The following CHN1 variants were observed in gnomAD, a reference collection of about 807,000 sequenced individuals.
The protein encoded by CHN1 is N-chimaerin.
Under a neutral mutation model 59.5 loss-of-function variants are expected in CHN1, and 37 were observed. The observed-to-expected ratio is 0.62, with a 90% CI of 0.48 to 0.82. The LOEUF (loss-of-function observed/expected upper bound fraction) is 0.82. CHN1 is among the 40% of genes least tolerant of loss of function. The pLI is 0.00. For synonymous variants in CHN1, 206 were observed against 200.4 expected (o/e 1.03, Z -0.24); for missense variants, 469 against 571.0 (o/e 0.82, Z 1.82).
intron 6 of CHN1, among the ~76,000 whole-genome samples, chr2:174,857,497 T>G (rs908580706): frequency 3.9e-5 from 6 of 152,128 alleles, no homozygotes; most frequent in Non-Finnish European, 7.3e-5. Flanking sequence ...AAACGGAACA[T>G]GTCCTTATTC....
At chr2:174,861,241 T>C (rs1026313870) in intron 6 of CHN1, among the ~76,000 whole-genome samples, 1 of 152,010 alleles carries the variant, frequency 6.6e-6, no homozygotes, top group African/African-American at 2.4e-5. Context: ...TGAGATAATA[T>C]AGGTAGAATG....
chr2:174,948,441 G>T (rs376887664), intron 2 of CHN1, among the ~76,000 whole-genome samples: 1 of 152,070 alleles, frequency 6.6e-6, no homozygotes, highest in African/African-American at 2.4e-5. Flanking sequence ...ACTGAAAAGC[G>T]ACAAAACCGT....
At chr2:174,848,658 A>C (rs1686623649) in intron 6 of CHN1, among the ~76,000 whole-genome samples, 1 of 152,170 alleles carries the variant, frequency 6.6e-6, no homozygotes, top group Non-Finnish European at 1.5e-5. Context: ...TAGGGCATGA[A>C]GTGGTTCTTA....
intron 5 of CHN1, among the ~76,000 whole-genome samples, chr2:174,881,143 T>C (rs116833010): frequency 2.0e-4 from 30 of 152,082 alleles, no homozygotes; most frequent in Admixed American, 1.2e-3. Flanking sequence ...TGTAAAGTGA[T>C]TCACAAAACC....
intron 5 of CHN1, among the ~76,000 whole-genome samples, chr2:174,889,272 G>T (rs750092660): frequency 2.0e-3 from 296 of 150,758 alleles, no homozygotes; most frequent in Middle Eastern, 3.4e-3. Flanking sequence ...GGAAAAGGTG[G>T]TTTTTTTTTC....
chr2:174,852,354 CT>C (rs1686761098), intron 6 of CHN1, among the ~76,000 whole-genome samples: 1 of 151,998 alleles, frequency 6.6e-6, no homozygotes, highest in African/African-American at 2.4e-5. Flanking sequence ...AATAAAATAC[CT>C]GGGGATATGG....
At chr2:174,812,997 G>A (rs1389989808) in intron 8 of CHN1, among the ~76,000 whole-genome samples, 2 of 152,054 alleles carry the variant, frequency 1.3e-5, no homozygotes, top group Non-Finnish European at 2.9e-5. Flanking sequence ...AATTCCTCTA[G>A]TAGCTGGAAA....
At chr2:174,944,867 T>G in intron 3 of CHN1, 21 bp downstream of exon 3, 1 of 1,559,952 alleles carries the variant, frequency 6.4e-7, no homozygotes. Context: ...CATTTTTTGG[T>G]AGCAGTTTCA....
intron 1 of CHN1, among the ~76,000 whole-genome samples, chr2:174,996,727 C>T (rs574544248): frequency 6.6e-6 from 1 of 152,260 alleles, no homozygotes; most frequent in South Asian, 2.1e-4. Context: ...CACCCCAGTA[C>T]TCTCTATCCC....
At chr2:174,876,786 C>T (rs1483346635) in intron 6 of CHN1, among the ~76,000 whole-genome samples, 1 of 152,088 alleles carries the variant, frequency 6.6e-6, no homozygotes, top group African/African-American at 2.4e-5. Flanking sequence ...ATAACATTAC[C>T]ACCAAACTAC....
chr2:174,954,096 T>C (rs1690112580), intron 1 of CHN1, among the ~76,000 whole-genome samples: 1 of 152,080 alleles, frequency 6.6e-6, no homozygotes. Flanking sequence ...AAAATAAGGA[T>C]ATGGACCAGT....
At chr2:174,839,122 T>C (rs1186084813) in intron 7 of CHN1, among the ~76,000 whole-genome samples, 2 of 152,160 alleles carry the variant, frequency 1.3e-5, no homozygotes, top group African/African-American at 4.8e-5. Context: ...AAATACATTG[T>C]GAAATGGCTA....
intron 1 of CHN1, among the ~76,000 whole-genome samples, chr2:174,984,352 ATG>A (rs1192664741): frequency 6.7e-6 from 1 of 149,248 alleles, no homozygotes; most frequent in African/African-American, 2.5e-5. Context: ...AAATTACAGA[ATG>A]TGTTTTATAA....
intron 3 of CHN1, among the ~76,000 whole-genome samples, chr2:174,930,312 G>A (rs1210107178): frequency 6.6e-6 from 1 of 152,200 alleles, no homozygotes; most frequent in Non-Finnish European, 1.5e-5. Flanking sequence ...GGTGATTATT[G>A]CAGAGAAGAG....
intron 3 of CHN1, among the ~76,000 whole-genome samples, chr2:174,930,735 G>C (rs184709642): frequency 6.6e-6 from 1 of 152,232 alleles, no homozygotes; most frequent in Non-Finnish European, 1.5e-5. Context: ...GGATGCCTAG[G>C]TAACAAACAA....
At chr2:174,840,340 A>G (rs1462771472) in intron 7 of CHN1, among the ~76,000 whole-genome samples, 6 of 151,342 alleles carry the variant, frequency 4.0e-5, no homozygotes. Context: ...AATGTTTTAA[A>G]TTTTTTGTAA....
At chr2:174,821,550 C>T (rs1685497372) in intron 8 of CHN1, among the ~76,000 whole-genome samples, 2 of 152,208 alleles carry the variant, frequency 1.3e-5, no homozygotes, top group South Asian at 2.1e-4. Context: ...AGATGATTAG[C>T]TTATGAGGGC....
At chr2:174,873,543 C>G (rs537492394) in intron 6 of CHN1, among the ~76,000 whole-genome samples, 5 of 152,306 alleles carry the variant, frequency 3.3e-5, no homozygotes, top group African/African-American at 1.2e-4. Context: ...ATTTAGAAGA[C>G]TTGCCTTGTG....
At chr2:174,975,055 A>C (rs754746363) in intron 1 of CHN1, among the ~76,000 whole-genome samples, 8 of 152,196 alleles carry the variant, frequency 5.3e-5, no homozygotes, top group Non-Finnish European at 1.0e-4. Context: ...TTCTGAAAGC[A>C]TAAGAATTTC....
Sources: gnomAD v4.1 joint callset for allele counts (sites outside exome capture counted in the v4.1 genomes callset) on GRCh38, gnomAD v4.1.1 for gene constraint, MANE v1.5 for transcripts, NCBI Gene and HGNC (gene_info 2026-07-23, HGNC 2026-07-21) for gene names.